ZNF343: variants seen among roughly 807,000 people sequenced by gnomAD.
ZNF343 encodes zinc finger protein 343.
Under a neutral mutation model 13.8 loss-of-function variants are expected in ZNF343, and 11 were observed. That is an observed-to-expected ratio of 0.80 (90% CI 0.50 to 1.32). The LOEUF is 1.32. ZNF343 is among the 40% of genes most tolerant of loss of function. The pLI is 0.00. For synonymous variants in ZNF343, 248 were observed against 260.0 expected (o/e 0.95, Z 0.44); for missense variants, 658 against 714.2 (o/e 0.92, Z 0.90).
chr20:2,514,847 A>T (rs1359316089), intron 1 of ZNF343, among the ~76,000 whole-genome samples: 1 of 151,884 alleles, frequency 6.6e-6, no homozygotes, highest in Non-Finnish European at 1.5e-5. Flanking sequence ...AATTTAGCCA[A>T]ATTTGGTGGC....
At chr20:2,505,633 T>C (rs1404533386) in intron 1 of ZNF343, among the ~76,000 whole-genome samples, 1 of 152,090 alleles carries the variant, frequency 6.6e-6, no homozygotes, top group Non-Finnish European at 1.5e-5. Flanking sequence ...TCAGAAATAA[T>C]GCCGCATATC....
intron 5 of ZNF343, among the ~76,000 whole-genome samples, chr20:2,484,980 T>C (rs1258362687): frequency 6.6e-6 from 1 of 152,162 alleles, no homozygotes; most frequent in East Asian, 1.9e-4. Flanking sequence ...TTTGTTCTGC[T>C]TGGAGATAGT....
chr20:2,519,366 C>T (rs2085773178), intron 1 of ZNF343, among the ~76,000 whole-genome samples: 1 of 152,176 alleles, frequency 6.6e-6, no homozygotes, highest in African/African-American at 2.4e-5. Context: ...TGGTCCTAAC[C>T]ATGAACCTGA....
chr20:2,502,284 C>T (rs1209269004), intron 1 of ZNF343, among the ~76,000 whole-genome samples: 1 of 152,118 alleles, frequency 6.6e-6, no homozygotes, highest in East Asian at 1.9e-4. Context: ...AAGAAACAAA[C>T]AAAGCCTCCA....
rs1309007769 is a variant in ZNF343 at position 2,518,911 on chromosome 20, G to A, written c.-347+5544C>T. 6.6e-6 allele frequency among the ~76,000 whole-genome samples: 1 copy of A among 152,186 alleles called. No homozygotes were observed. Among genetic ancestry groups the A allele is most frequent in the East Asian group, 1.9e-4 (1 of 5,186 alleles). ...ATCCATGCTGTCCTCATGATAGTGA[G>A]TTCTCACAAGATCTGATGGTTTAAA... On this transcript the variant is annotated intron_variant, in intron 1 of 6. Coordinates refer to the ZNF343 transcript ENST00000358413. The surrounding 1 kb of genome is among the most constrained non-coding windows in gnomAD (Gnocchi z 4.6).
intron 1 of ZNF343, among the ~76,000 whole-genome samples, chr20:2,501,731 A>G (rs1450349718): frequency 2.0e-5 from 3 of 152,252 alleles, no homozygotes; most frequent in Non-Finnish European, 2.9e-5. Flanking sequence ...GCAAACTCCA[A>G]CAGATCTGCA....
chr20:2,509,607 C>T (rs2085725220), upstream of ZNF343, among the ~76,000 whole-genome samples: 1 of 152,158 alleles, frequency 6.6e-6, no homozygotes, highest in South Asian at 2.1e-4. Context: ...TGGCGCGCGC[C>T]TGGGATTCCT....
chr20:2,492,588 T>C, intron 5 of ZNF343, 111 bp downstream of exon 5: 3 of 1,355,982 alleles, frequency 2.2e-6, no homozygotes, highest in Non-Finnish European at 3.0e-6. Flanking sequence ...GGGATTACGA[T>C]TTTGTTTACT....
intron 1 of ZNF343, among the ~76,000 whole-genome samples, chr20:2,507,042 A>C (rs2085670834): frequency 6.6e-6 from 1 of 152,074 alleles, no homozygotes; most frequent in African/African-American, 2.4e-5. Flanking sequence ...GGGCAGGCAG[A>C]TCACCTGAGG....
intron 2 of ZNF343, among the ~76,000 whole-genome samples, chr20:2,497,384 A>T (rs990288620): frequency 2.6e-5 from 4 of 152,146 alleles, no homozygotes; most frequent in African/African-American, 9.7e-5. Flanking sequence ...CCAGGGAAAA[A>T]AAGAACCGTC....
intron 5 of ZNF343, among the ~76,000 whole-genome samples, chr20:2,489,716 T>C (rs1359056288): frequency 6.6e-6 from 1 of 152,230 alleles, no homozygotes; most frequent in Non-Finnish European, 1.5e-5. Context: ...TTGGGGTTGT[T>C]TATCACAGTA....
chr20:2,512,223 A>G (rs1332360202), upstream of ZNF343, among the ~76,000 whole-genome samples: 2 of 152,238 alleles, frequency 1.3e-5, no homozygotes, highest in African/African-American at 4.8e-5. Flanking sequence ...AAGGCTTAAT[A>G]TTGTTAAAAT....
chr20:2,483,462 C>A lies in ZNF343; in HGVS notation c.1499G>T (p.Arg500Leu), dbSNP rs927104969. 6.2e-7 allele frequency: 1 copy of A among 1,610,062 alleles called. No individual in the cohort carries two copies. Among genetic ancestry groups the A allele is most frequent in the Non-Finnish European group, 8.5e-7 (1 of 1,178,842 alleles). Residue 500 changes from arginine to leucine, a missense_variant, in exon 6 of 6, where the codon CGA becomes CTA. Coordinates refer to ENST00000278772, the MANE Select transcript of ZNF343 (RefSeq NM_024325.6). Reference sequence around the variant, plus strand: ...GAGATTTGACTTCTGGCTAAAACCTCGCCTACACTCCCTGCAGACATAATG... The same window carrying A: ...GAGATTTGACTTCTGGCTAAAACCTAGCCTACACTCCCTGCAGACATAATG... The part of the protein sequence containing the change: ...EKHYVCRECR[R>L]GFSQKSNLIR...
chr20:2,499,696 TGA>T (rs2085528133), intron 2 of ZNF343, among the ~76,000 whole-genome samples: 1 of 151,892 alleles, frequency 6.6e-6, no homozygotes, highest in South Asian at 2.1e-4. Flanking sequence ...ATTAGAAGGA[TGA>T]GAATTTCAGG....
At chr20:2,504,710 A>G (rs1286020788) in intron 1 of ZNF343, among the ~76,000 whole-genome samples, 1 of 152,260 alleles carries the variant, frequency 6.6e-6, no homozygotes, top group East Asian at 1.9e-4. Flanking sequence ...CCATATGATT[A>G]TCTCAATAGA....
chr20:2,508,708 C>T lies in ZNF343; in HGVS notation c.-237+173G>A, dbSNP rs924588882. On this transcript the variant is annotated intron_variant, in intron 1 of 5. Transcript: ENST00000278772. The surrounding 1 kb of genome is among the most constrained non-coding windows in gnomAD (Gnocchi z 4.5). ...AGGGGCTCACCCCATCGCCTCGCCCCAATGAGCACCGCGAGCTGCGCCCTC... is the reference window on the plus strand; with the variant it reads ...AGGGGCTCACCCCATCGCCTCGCCCTAATGAGCACCGCGAGCTGCGCCCTC... The T allele has an allele frequency of 2.0e-5, 3 of 152,436 alleles. No individual in the cohort carries two copies. Among genetic ancestry groups the T allele is most frequent in the African/African-American group, 7.2e-5 (3 of 41,482 alleles). The allele number at this position is 152,436 out of a possible 1,614,324, so 9.4% of individuals were successfully genotyped here.
Position 2,501,564 on chromosome 20 carries a change from G to C in ZNF343, c.-236-822C>G, listed in dbSNP as rs554900497. Reference sequence around the variant, plus strand: ...TAGCCTAACTGGGAGGCACCCCCCAGTAGGGGCAGACTGACACCTCACATG... The same window carrying C: ...TAGCCTAACTGGGAGGCACCCCCCACTAGGGGCAGACTGACACCTCACATG... On this transcript the variant is annotated intron_variant, in intron 1 of 5. Transcript: ENST00000278772. Among the ~76,000 whole-genome samples the C allele has an allele frequency of 9.8e-5, 15 of 152,312 alleles. No homozygotes were observed. In the East Asian group the frequency reaches 1.9e-3, roughly 20 times the overall value.
At chr20:2,502,936 T>C (rs373825315) in intron 1 of ZNF343, among the ~76,000 whole-genome samples, 19 of 152,134 alleles carry the variant, frequency 1.2e-4, no homozygotes, top group East Asian at 9.6e-4. Flanking sequence ...AACATCATAA[T>C]GACAGGATCA....
chr20:2,497,306 C>T (rs2085475997), intron 2 of ZNF343, among the ~76,000 whole-genome samples: 1 of 151,978 alleles, frequency 6.6e-6, no homozygotes, highest in Non-Finnish European at 1.5e-5. Context: ...GAGGAGATCA[C>T]CAAGGCAGAG....
Sources: allele counts gnomAD v4.1 joint callset (sites outside exome capture counted in the v4.1 genomes callset), GRCh38; gene constraint gnomAD v4.1.1; non-coding constraint Gnocchi (gnomAD v3.1); transcripts MANE v1.5; gene names NCBI Gene and HGNC (gene_info 2026-07-23, HGNC 2026-07-21).